HHIPL1: variants seen among roughly 807,000 people sequenced by gnomAD.
HHIPL1 encodes the protein HHIP-like protein 1.
In HHIPL1, 43 loss-of-function variants were observed where a neutral mutation model predicts 61.8. That is an observed-to-expected ratio of 0.70 (90% CI 0.55 to 0.90). The LOEUF (loss-of-function observed/expected upper bound fraction) is 0.90, where lower values mean the gene tolerates loss of function less well. HHIPL1 is among the 40% of genes least tolerant of loss of function. The pLI is 0.00. For missense variants in HHIPL1, 1,056 were observed against 1,157.7 expected, an observed-to-expected ratio of 0.91 and a Z score of 1.28; for synonymous variants, 482 against 515.8, an observed-to-expected ratio of 0.93 and a Z score of 0.89.
At position 99,675,051 on chromosome 14, in the gene HHIPL1, C is replaced by A. The variant is rs926017564; in HGVS notation, c.1814-40C>A. The stretch of plus-strand genomic sequence containing the variant: ...GGTGGGCAGCAGGGCTGGACAGGGG[C>A]GCCTGGGTCCCTCTGACGGCATACT... On this transcript the variant is annotated intron_variant, in intron 8 of 8. Coordinates refer to ENST00000330710, the MANE Select transcript of HHIPL1 (RefSeq NM_001127258.3). This position sits in a 1 kb window ranked among gnomAD's most constrained non-coding sequence, Gnocchi z 5.4. 9.2e-7 allele frequency: 1 copy of A among 1,091,556 alleles called. No individual in the cohort carries two copies. Among genetic ancestry groups the A allele is most frequent in the Non-Finnish European group, 1.1e-6 (1 of 881,214 alleles). The allele number at this position is 1,091,556 out of a possible 1,614,324, so 67.6% of individuals were successfully genotyped here.
Position 99,660,404 on chromosome 14 carries a change from C to A in HHIPL1, c.1500C>A (p.Ser500Arg). Residue 500 changes from serine (S) to arginine (R), a missense_variant and splice_region_variant, in exon 5 of 9, where the codon AGC becomes AGA. Ser to Arg is a moderately radical substitution (Grantham distance 110, BLOSUM62 -1). Coordinates refer to ENST00000330710, the MANE Select transcript of HHIPL1 (RefSeq NM_001127258.3). This position sits in a 1 kb window ranked among gnomAD's most constrained non-coding sequence, Gnocchi z 4.9. ...TCTACATTTTTGGGGATTTCATGAG[C>A]GGGTAAGTGACCTAGTGCCCTCGCG... ...NGLYIFGDFM[S>R]GRLMSLQENP... 1 of 1,612,430 alleles carries A rather than the reference C, an allele frequency of 6.2e-7. No individual in the cohort carries two copies.
At chr14:99,669,102 C>T (rs1206151671) in intron 7 of HHIPL1, 2 of 1,419,338 alleles carry the variant, frequency 1.4e-6, no homozygotes, top group East Asian at 5.1e-5. Context: ...CCTCAGCTCT[C>T]ATCACTCAGA....
the HHIPL1 span, among the ~76,000 whole-genome samples, chr14:99,620,771 C>A: frequency 6.6e-6 from 1 of 152,212 alleles, no homozygotes; most frequent in Non-Finnish European, 1.5e-5. Flanking sequence ...GCCTGCAGAA[C>A]GTAGGGGGGC....
chr14:99,656,300 G>A (rs561065907), intron 2 of HHIPL1, among the ~76,000 whole-genome samples: 9 of 152,184 alleles, frequency 5.9e-5, no homozygotes, highest in Admixed American at 5.9e-4. Flanking sequence ...CAAAACACTA[G>A]GCCAGAACGA....
At chr14:99,634,070 C>G in the HHIPL1 span, among the ~76,000 whole-genome samples, 2,868 of 152,278 alleles carry the variant, frequency 0.019, 96 homozygotes, top group African/African-American at 0.066. Context: ...GGCTGCAGAG[C>G]GTTTCTGCAG....
chr14:99,637,487 G>A, the HHIPL1 span, among the ~76,000 whole-genome samples: 1 of 151,836 alleles, frequency 6.6e-6, no homozygotes, highest in African/African-American at 2.4e-5. Flanking sequence ...CAGGAGAATT[G>A]CTTGAACCCA....
the HHIPL1 span, among the ~76,000 whole-genome samples, chr14:99,637,052 A>AG: frequency 3.3e-4 from 33 of 100,044 alleles, 1 homozygote; most frequent in African/African-American, 9.9e-4. Context: ...AGAAAGAAGG[A>AG]AGGAAGGAAA....
intron 5 of HHIPL1, among the ~76,000 whole-genome samples, chr14:99,662,331 G>A (rs1346153811): frequency 6.6e-6 from 1 of 152,188 alleles, no homozygotes; most frequent in Admixed American, 6.5e-5. Context: ...TGATTGACAA[G>A]CAGCGATGGG....
Position 99,668,409 on chromosome 14 carries a change from C to T in HHIPL1, c.1730+106C>T, listed in dbSNP as rs1566816388. ...CCCTCAGGTGGGTGGTATTAATCCC[C>T]ATTTTCAGACAAGAACCCTGAGGCC... On this transcript the variant is annotated intron_variant, in intron 7 of 8. Transcript: ENST00000330710. The surrounding 1 kb of genome is among the most constrained non-coding windows in gnomAD (Gnocchi z 4.7). 4 of 712,984 alleles carry T rather than the reference C, an allele frequency of 5.6e-6. No individual in the cohort carries two copies. Among genetic ancestry groups the T allele is most frequent in the Non-Finnish European group, 7.6e-6 (3 of 396,176 alleles). 44.2% of individuals were successfully genotyped at this position (712,984 alleles called of 1,614,324 possible).
At chr14:99,640,506 AG>A (rs1191985512), upstream of HHIPL1, among the ~76,000 whole-genome samples, 3 of 152,240 alleles carry the variant, frequency 2.0e-5, no homozygotes, top group East Asian at 5.8e-4. Flanking sequence ...GCTGGTCTCA[AG>A]CTCCTGGGCT....
At chr14:99,667,419 G>A (rs1412782023) in intron 6 of HHIPL1, among the ~76,000 whole-genome samples, 2 of 152,116 alleles carry the variant, frequency 1.3e-5, no homozygotes, top group African/African-American at 4.8e-5. Flanking sequence ...GATTGGAGTG[G>A]GAGGAGCAGG....
At position 99,660,359 on chromosome 14, in the gene HHIPL1, G is replaced by A. The variant is rs762631158; in HGVS notation, c.1455G>A (p.Glu485=). ...VTGGYVYRGC[E]YPNLNGLYIF... Reference sequence around the variant, plus strand: ...GGGGCTACGTGTACCGGGGCTGCGAGTACCCCAACCTGAACGGCCTCTACA... The same window carrying A: ...GGGGCTACGTGTACCGGGGCTGCGAATACCCCAACCTGAACGGCCTCTACA... Residue 485 remains glutamate, a synonymous_variant, in exon 5 of 9, where the codon GAG becomes GAA. Transcript: ENST00000330710. The surrounding 1 kb of genome is among the most constrained non-coding windows in gnomAD (Gnocchi z 4.9). 5.0e-6 allele frequency: 8 copies of A among 1,614,128 alleles called. No individual in the cohort carries two copies. The highest frequency in any genetic ancestry group is 6.8e-6 in the Non-Finnish European group (8 of 1,180,008).
At chr14:99,641,324 T>C (rs117610180), upstream of HHIPL1, among the ~76,000 whole-genome samples, 2,845 of 152,300 alleles carry the variant, frequency 0.019, 31 homozygotes, top group Middle Eastern at 0.031. Context: ...TCTAGACTTC[T>C]AGGTTGATGG....
intron 5 of HHIPL1, among the ~76,000 whole-genome samples, chr14:99,661,455 C>T (rs2056153052): frequency 4.5e-5 from 2 of 44,612 alleles, no homozygotes; most frequent in African/African-American, 2.0e-4. Flanking sequence ...GGAAGGAGTA[C>T]ATGCTTAATA....
chr14:99,638,110 G>T, the HHIPL1 span, among the ~76,000 whole-genome samples: 1 of 152,192 alleles, frequency 6.6e-6, no homozygotes, highest in Non-Finnish European at 1.5e-5. Context: ...GTTTACGAAG[G>T]CTGGCTCTGG....
At chr14:99,663,831 G>A (rs1217895506) in intron 6 of HHIPL1, among the ~76,000 whole-genome samples, 1 of 152,176 alleles carries the variant, frequency 6.6e-6, no homozygotes, top group Non-Finnish European at 1.5e-5. Context: ...AATAACATGG[G>A]TAAGCGTCCA....
At chr14:99,613,268 G>GT in the HHIPL1 span, among the ~76,000 whole-genome samples, 3,239 of 145,462 alleles carry the variant, frequency 0.022, 121 homozygotes, top group African/African-American at 0.073. Flanking sequence ...TTGTTTTTTA[G>GT]TTTTTTTTTT....
chr14:99,623,275 G>A, the HHIPL1 span, among the ~76,000 whole-genome samples: 1 of 152,206 alleles, frequency 6.6e-6, no homozygotes, highest in African/African-American at 2.4e-5. Context: ...ACCCTTTAAG[G>A]CTGGCTCTGA....
At chr14:99,652,897 G>C (rs749181180) in intron 2 of HHIPL1, 27 bp downstream of exon 2, 1 of 1,601,106 alleles carries the variant, frequency 6.2e-7, no homozygotes, top group Admixed American at 1.7e-5. Flanking sequence ...ACCCGGGCCT[G>C]GGTGGGGGCA....
Sources: gnomAD v4.1 joint callset for allele counts (sites outside exome capture counted in the v4.1 genomes callset) on GRCh38, gnomAD v4.1.1 for gene constraint, Gnocchi (gnomAD v3.1) non-coding constraint, MANE v1.5 for transcripts, NCBI Gene and HGNC (gene_info 2026-07-23, HGNC 2026-07-21) for gene names.